The following ADGRD2 variants were observed in gnomAD, a reference collection of about 807,000 sequenced individuals.
ADGRD2 encodes adhesion G protein-coupled receptor D2.
A neutral mutation model predicts 44.4 loss-of-function variants in ADGRD2; 71 were observed. The ratio of observed to expected loss-of-function variants is 1.60; its 90% CI spans 1.32 to 1.95. The LOEUF is 1.95. Ranked by LOEUF, ADGRD2 falls within the 30% of genes most tolerant of loss-of-function variation. The pLI, the probability that ADGRD2 is intolerant of heterozygous loss-of-function variation, is 0.00. For missense variants in ADGRD2, 1,039 were observed against 512.4 expected (o/e 2.03, Z -9.92); for synonymous variants, 481 against 224.8 (o/e 2.14, Z -10.19).
intron 17 of ADGRD2, 142 bp from the exon 21 acceptor site, chr9:124,475,304 G>T: frequency 1.7e-6 from 1 of 588,120 alleles, no homozygotes; most frequent in South Asian, 2.0e-5. Flanking sequence ...GGGCAGGGCC[G>T]ACTTCGTGCC....
At chr9:124,472,452 GTTTGTTT>G (rs1412976668) in intron 17 of ADGRD2, among the ~76,000 whole-genome samples, 2,542 of 25,290 alleles carry the variant, frequency 0.1, 84 homozygotes, top group African/African-American at 0.34. Flanking sequence ...TTGTTTGTTT[GTTTGTTT>G]TTTGTTTGTT....
intron 10 of ADGRD2, among the ~76,000 whole-genome samples, chr9:124,462,762 A>G (rs1252489108): frequency 2.6e-5 from 4 of 152,232 alleles, no homozygotes; most frequent in Admixed American, 2.6e-4. Flanking sequence ...AACCTTGCCA[A>G]ACTCACTTAG....
chr9:124,453,686 G>GGCC lies in ADGRD2; in HGVS notation c.923+10_923+11insGCC. Reference sequence around the variant, plus strand: ...CGCCTTCTCTGTCCCGGTACGACCCGCCCCGCCCCGGCCCCACCCCATGGC... The same window carrying GGCC: ...CGCCTTCTCTGTCCCGGTACGACCCGGCCCCCCGCCCCGGCCCCACCCCATGGC... On this transcript the variant is annotated intron_variant, in intron 3 of 21. Transcript: ENST00000334810. 2 of 650,332 alleles carry GGCC rather than the reference G, an allele frequency of 3.1e-6. No individual in the cohort carries two copies. Among genetic ancestry groups the GGCC allele is most frequent in the Non-Finnish European group, 2.8e-6 (1 of 361,868 alleles). The allele number at this position is 650,332 out of a possible 1,614,324, so 40.3% of individuals were successfully genotyped here.
chr9:124,453,206 C>T (rs1831532424), exon 3 of ADGRD2: 2 of 655,324 alleles, frequency 3.1e-6, no homozygotes, highest in Non-Finnish European at 5.5e-6. Flanking sequence ...CCCGCGCTGC[C>T]CAACGCGCTG....
chr9:124,452,035 A>G (rs1401479478), upstream of ADGRD2: 11 of 551,890 alleles, frequency 2.0e-5, no homozygotes, highest in Non-Finnish European at 3.9e-5. Flanking sequence ...GCATTCAACA[A>G]CTGCAAGTGT....
chr9:124,476,509 C>G (rs1832052248), intron 20 of ADGRD2, 94 bp downstream of exon 23: 2 of 654,582 alleles, frequency 3.1e-6, no homozygotes, highest in African/African-American at 3.6e-5. Context: ...CTGGGTAGGG[C>G]CGGGGTGGGG....
intron 17 of ADGRD2, among the ~76,000 whole-genome samples, chr9:124,474,376 T>C (rs1484742168): frequency 6.6e-6 from 1 of 151,896 alleles, no homozygotes; most frequent in Non-Finnish European, 1.5e-5. Context: ...GGGTTCGCAT[T>C]TGGAAAGATG....
chr9:124,476,368 C>T (rs1832049190), exon 20 of ADGRD2: 1 of 701,652 alleles, frequency 1.4e-6, no homozygotes, highest in African/African-American at 1.7e-5. Flanking sequence ...GACCTATGGC[C>T]CTAGAACTCC....
At chr9:124,460,369 A>G (rs1831705391) in intron 10 of ADGRD2, among the ~76,000 whole-genome samples, 1 of 101,944 alleles carries the variant, frequency 9.8e-6, no homozygotes. Context: ...TGTCCAGCTA[A>G]TTTTGTATAT....
chr9:124,468,169 C>T (rs951390485), exon 13 of ADGRD2: 4 of 718,530 alleles, frequency 5.6e-6, no homozygotes, highest in Non-Finnish European at 1.0e-5. Flanking sequence ...TCATGACCAG[C>T]GAGTGGGCCA....
chr9:124,465,554 G>A (rs901849215), intron 10 of ADGRD2: 15 of 152,186 alleles, frequency 9.9e-5, no homozygotes, highest in African/African-American at 3.6e-4. Context: ...GTTTTGCCAT[G>A]ATGGCCAGGC....
upstream of ADGRD2, chr9:124,451,379 G>T (rs187641798): frequency 8.3e-4 from 317 of 380,792 alleles, 1 homozygote; most frequent in Non-Finnish European, 1.5e-3. Context: ...TCTCCAGGGC[G>T]ACAGTGTTTC....
intron 17 of ADGRD2, 48 bp from the exon 21 acceptor site, chr9:124,475,398 A>G: frequency 1.4e-6 from 1 of 693,444 alleles, no homozygotes; most frequent in Non-Finnish European, 2.7e-6. Context: ...GCTGTGGGGG[A>G]TGGGGTAGGA....
At chr9:124,466,866 A>T (rs1266579707) in intron 11 of ADGRD2, 1 of 152,470 alleles carries the variant, frequency 6.6e-6, no homozygotes, top group Non-Finnish European at 1.5e-5. Flanking sequence ...AAACTCTAAG[A>T]GGATGTCAGG....
chr9:124,476,977 G>A (rs1832059891), intron 21 of ADGRD2: 2 of 683,104 alleles, frequency 2.9e-6, no homozygotes, highest in South Asian at 3.0e-5. Flanking sequence ...GCCTCCCTCT[G>A]TCCTCCCCTC....
rs370622173 is a variant in ADGRD2, at chr9:124,469,243, C to T, written c.2411C>T (p.Ala804Val). The T allele has an allele frequency of 7.4e-4, 529 of 715,908 alleles. 9 individuals carry two copies. Among genetic ancestry groups the T allele is most frequent in the South Asian group, 5.7e-3 (382 of 67,600 alleles). The allele number at this position is 715,908 out of a possible 1,614,324, so 44.3% of individuals were successfully genotyped here. The change falls in exon 15 of 22, where the codon GCG becomes GTG. Residue 804 changes from alanine (A) to valine (V), a missense_variant. Transcript: ENST00000334810. ...CCAGGCGTGCCTGTGGGCATCGTGG[C>T]GGTCACCCTGGCCATGCTCCCCCAT...
At chr9:124,452,959 C>A (rs1310411468) in intron 2 of ADGRD2, 76 bp from the exon 6 acceptor site, 4 of 605,880 alleles carry the variant, frequency 6.6e-6, no homozygotes, top group Non-Finnish European at 1.2e-5. Flanking sequence ...AGGACCCCAC[C>A]GCTGAGCCAA....
At chr9:124,452,819 G>A in intron 2 of ADGRD2, 97 bp downstream of exon 5, 1 of 642,798 alleles carries the variant, frequency 1.6e-6, no homozygotes, top group South Asian at 1.7e-5. Context: ...AGAATGAGCC[G>A]GGAGTAAGAC....
intron 11 of ADGRD2, 36 bp downstream of exon 14, chr9:124,466,449 G>A (rs780011719): frequency 9.3e-6 from 6 of 642,076 alleles, no homozygotes; most frequent in African/African-American, 1.8e-5. Context: ...TCAGGAGGGG[G>A]CTTCTTAGCT....
Sources: allele counts gnomAD v4.1 joint callset (sites outside exome capture counted in the v4.1 genomes callset), GRCh38; gene constraint gnomAD v4.1.1; transcripts MANE v1.5; gene names NCBI Gene and HGNC (gene_info 2026-07-23, HGNC 2026-07-21).